PTPRG: variants seen among roughly 807,000 people sequenced by gnomAD.
The protein encoded by PTPRG is protein tyrosine phosphatase receptor type G.
PTPRG carries 102 observed loss-of-function variants against 165.3 expected under a neutral mutation model. The ratio of observed to expected loss-of-function variants is 0.62; its 90% CI spans 0.53 to 0.73. PTPRG has a LOEUF of 0.73. Among genes scored for constraint, PTPRG ranks in the 30% least tolerant of loss-of-function variants. The pLI is 0.00. For synonymous variants in PTPRG, 675 were observed against 669.5 expected (o/e 1.01, Z -0.13); for missense variants, 1,866 against 1,861.4 (o/e 1.00, Z -0.05).
At chr3:62,054,646 T>C (rs1167747551) in intron 4 of PTPRG, among the ~76,000 whole-genome samples, 3 of 152,212 alleles carry the variant, frequency 2.0e-5, no homozygotes, top group African/African-American at 7.2e-5. Flanking sequence ...ATCATGTGTC[T>C]CTTTGGGACA....
At chr3:61,809,311 C>T (rs1050457590) in intron 2 of PTPRG, among the ~76,000 whole-genome samples, 3 of 151,960 alleles carry the variant, frequency 2.0e-5, no homozygotes, top group African/African-American at 7.3e-5. Flanking sequence ...AATAAAGATG[C>T]ACTCTTTTTT....
intron 1 of PTPRG, among the ~76,000 whole-genome samples, chr3:61,695,938 G>A (rs754702219): frequency 6.6e-6 from 1 of 152,142 alleles, no homozygotes; most frequent in Non-Finnish European, 1.5e-5. Flanking sequence ...GTTAGAATGA[G>A]TGAATGAGTA....
At chr3:61,781,550 A>T (rs375066744) in intron 2 of PTPRG, among the ~76,000 whole-genome samples, 6 of 152,192 alleles carry the variant, frequency 3.9e-5, no homozygotes, top group Non-Finnish European at 8.8e-5. Context: ...TTAATCTATC[A>T]TGAGTTTCCT....
chr3:62,106,729 C>G (rs1441899373), intron 5 of PTPRG, among the ~76,000 whole-genome samples: 1 of 152,076 alleles, frequency 6.6e-6, no homozygotes, highest in East Asian at 1.9e-4. Context: ...TTTGGTGAAA[C>G]TATACATACC....
intron 2 of PTPRG, among the ~76,000 whole-genome samples, chr3:61,926,609 CTCCTTCCTTCCTTCCT>C (rs1190200426): frequency 1.1e-5 from 1 of 94,788 alleles, no homozygotes; most frequent in Non-Finnish European, 2.0e-5. Context: ...CCCTCCCTCC[CTCCTTCCTTCCTTCCT>C]TCCTTCCTTC....
At chr3:62,030,377 G>A (rs1003453948) in intron 4 of PTPRG, among the ~76,000 whole-genome samples, 4 of 152,076 alleles carry the variant, frequency 2.6e-5, no homozygotes, top group Admixed American at 6.6e-5. Context: ...ATTGCTTTAA[G>A]GAACTTTTAG....
At chr3:61,623,556 G>C (rs894463548) in intron 1 of PTPRG, among the ~76,000 whole-genome samples, 24 of 152,154 alleles carry the variant, frequency 1.6e-4, no homozygotes, top group African/African-American at 5.8e-4. Context: ...TGTTCAGGAG[G>C]TAGGTATAGC....
chr3:61,976,471 G>A (rs1246939381), intron 2 of PTPRG, among the ~76,000 whole-genome samples: 1 of 152,132 alleles, frequency 6.6e-6, no homozygotes, highest in Non-Finnish European at 1.5e-5. Context: ...GTATAAACTT[G>A]GGTCTAAATC....
At chr3:62,095,800 G>A (rs1285567341) in intron 5 of PTPRG, among the ~76,000 whole-genome samples, 1 of 152,188 alleles carries the variant, frequency 6.6e-6, no homozygotes, top group Non-Finnish European at 1.5e-5. Context: ...GGATTCAGCT[G>A]AAGTTAACTA....
chr3:61,622,405 A>T (rs10433638), intron 1 of PTPRG, among the ~76,000 whole-genome samples: 3 of 152,194 alleles, frequency 2.0e-5, no homozygotes, highest in East Asian at 3.9e-4. Context: ...ACATTTCTGT[A>T]GTTTTCCGTT....
intron 28 of PTPRG, among the ~76,000 whole-genome samples, chr3:62,283,141 A>T (rs754987136): frequency 6.6e-6 from 1 of 152,134 alleles, no homozygotes; most frequent in Non-Finnish European, 1.5e-5. Context: ...GTAGATCTGC[A>T]TGCATTTAGA....
At chr3:62,005,406 T>C (rs1209270044) in intron 4 of PTPRG, among the ~76,000 whole-genome samples, 4 of 152,194 alleles carry the variant, frequency 2.6e-5, no homozygotes, top group Non-Finnish European at 4.4e-5. Context: ...CAGGTTCCCA[T>C]TGGCAATATG....
At chr3:61,773,253 G>A (rs746188839) in intron 2 of PTPRG, among the ~76,000 whole-genome samples, 2 of 152,112 alleles carry the variant, frequency 1.3e-5, no homozygotes, top group Non-Finnish European at 2.9e-5. Flanking sequence ...ACCATACAAT[G>A]ATAGTTAATT....
At chr3:61,616,235 AGCCACCAT>A (rs988820843) in intron 1 of PTPRG, among the ~76,000 whole-genome samples, 1 of 152,146 alleles carries the variant, frequency 6.6e-6, no homozygotes, top group Non-Finnish European at 1.5e-5. Flanking sequence ...TACAGGCGCG[AGCCACCAT>A]GCCCGGCTGA....
intron 3 of PTPRG, among the ~76,000 whole-genome samples, chr3:61,995,361 A>AT (rs2041005287): frequency 6.6e-6 from 1 of 152,022 alleles, no homozygotes; most frequent in Admixed American, 6.5e-5. Flanking sequence ...AAGTGCTGGG[A>AT]TTACAGGCAT....
In PTPRG at chr3:61,742,389, C is replaced by G. The variant is rs150151986; in HGVS notation, c.86-6489C>G. On this transcript the variant is annotated intron_variant, in intron 1 of 29. Transcript: ENST00000474889. ...GACATTTTTATAGGAAGAAATTGGG[C>G]CTTTGGGTCTGGAATTTTTTTTTTT... The G allele has an allele frequency of 1.8e-4, 213 of 1,186,174 alleles. 2 individuals are homozygous for G. The East Asian group carries it at 5.1e-3, about 28-fold the overall frequency. 73.5% of individuals were successfully genotyped at this position (1,186,174 alleles called of 1,614,324 possible).
chr3:61,813,533 A>G (rs2035655307), intron 2 of PTPRG, among the ~76,000 whole-genome samples: 2 of 137,412 alleles, frequency 1.5e-5, no homozygotes, highest in African/African-American at 5.5e-5. Context: ...AAAAAAAGAA[A>G]AAAGAAAATC....
intron 5 of PTPRG, among the ~76,000 whole-genome samples, chr3:62,111,668 T>C (rs1193205615): frequency 4.6e-5 from 7 of 152,128 alleles, no homozygotes; most frequent in African/African-American, 1.7e-4. Context: ...AGGCTGGTCT[T>C]GAACTCCTGG....
rs115405866 is a variant in PTPRG, at chr3:61,910,884, A to G, written c.191-78741A>G. Among the ~76,000 whole-genome samples the G allele has an allele frequency of 7.2e-3, 1,097 of 152,274 alleles. 13 individuals are homozygous for G. The highest frequency in any genetic ancestry group is 0.024 in the African/African-American group (1,017 of 41,564). On this transcript the variant is annotated intron_variant, in intron 2 of 29. Coordinates refer to ENST00000474889, the MANE Select transcript of PTPRG (RefSeq NM_002841.4). ...TAGGTGGAAGGCCTGAATCTTTGCC[A>G]GGTCTCAGCCCCACCTCCCATGATT...
Sources: allele counts gnomAD v4.1 joint callset (sites outside exome capture counted in the v4.1 genomes callset), GRCh38; gene constraint gnomAD v4.1.1; transcripts MANE v1.5; gene names NCBI Gene and HGNC (gene_info 2026-07-23, HGNC 2026-07-21).